The following SERGEF variants were observed in gnomAD, a reference collection of about 807,000 sequenced individuals.
The protein encoded by SERGEF is secretion regulating guanine nucleotide exchange factor.
Under a neutral mutation model 50.0 loss-of-function variants are expected in SERGEF, and 51 were observed. That is an observed-to-expected ratio of 1.02 (90% CI 0.81 to 1.29). The LOEUF (loss-of-function observed/expected upper bound fraction) is 1.29. Ranked by LOEUF, SERGEF falls within the 50% of genes most tolerant of loss-of-function variation. The probability of loss-of-function intolerance (pLI) is 0.00; values close to 1 mark genes in which losing one functional copy is unlikely to be tolerated. For missense variants in SERGEF, 521 were observed against 557.0 expected (o/e 0.94, Z 0.65); for synonymous variants, 205 against 212.4 (o/e 0.97, Z 0.30).
intron 1 of SERGEF, 71 bp downstream of exon 1, chr11:18,012,880 G>T (rs1287219628): frequency 6.6e-7 from 1 of 1,504,818 alleles, no homozygotes; most frequent in East Asian, 2.6e-5. Context: ...AACTGCCCAC[G>T]CCGCGGCCAG....
intron 10 of SERGEF, among the ~76,000 whole-genome samples, chr11:17,858,446 C>T (rs187884695): frequency 3.9e-5 from 6 of 152,266 alleles, no homozygotes; most frequent in Admixed American, 2.6e-4. Flanking sequence ...TAAGCATATA[C>T]ACCCCAAGAC....
chr11:17,888,856 C>T lies in SERGEF; in HGVS notation c.1012-10612G>A, dbSNP rs1851482537. Among the ~76,000 whole-genome samples, 1 of 152,082 alleles carries T rather than the reference C, an allele frequency of 6.6e-6. No individual in the cohort carries two copies. The highest frequency in any genetic ancestry group is 6.6e-5 in the Admixed American group (1 of 15,264). ...AGGAAAGAACAGTTTGAGCCTGGAA[C>T]ATGTATTTGTACCACGAAGTAAGAA... On this transcript the variant is annotated intron_variant, in intron 9 of 10. Transcript: ENST00000265965. This position sits in a 1 kb window ranked among gnomAD's most constrained non-coding sequence, Gnocchi z 4.1.
intron 9 of SERGEF, among the ~76,000 whole-genome samples, chr11:17,933,021 G>A (rs1852384131): frequency 6.6e-6 from 1 of 152,012 alleles, no homozygotes; most frequent in African/African-American, 2.4e-5. Context: ...TGTTTTCCTG[G>A]AATGAAACTC....
intron 7 of SERGEF, among the ~76,000 whole-genome samples, chr11:17,989,063 C>T (rs2133996716): frequency 6.6e-6 from 1 of 152,262 alleles, no homozygotes; most frequent in South Asian, 2.1e-4. Context: ...GTGTATGAGA[C>T]ACATTTCTCT....
chr11:17,897,234 C>T (rs1851664414), intron 9 of SERGEF, among the ~76,000 whole-genome samples: 1 of 152,190 alleles, frequency 6.6e-6, no homozygotes, highest in Non-Finnish European at 1.5e-5. Context: ...ATACAGGGAC[C>T]TCAGTCCTAT....
chr11:17,972,699 T>A (rs1170576037), intron 8 of SERGEF, among the ~76,000 whole-genome samples: 1 of 152,202 alleles, frequency 6.6e-6, no homozygotes, highest in East Asian at 1.9e-4. Context: ...CTCCAAGGTA[T>A]GCCTGTACAA....
In SERGEF at chr11:17,995,862, G is replaced by A. The variant is rs142771913; in HGVS notation, c.556C>T (p.Arg186Ter). The A allele has an allele frequency of 1.6e-4, 257 of 1,613,930 alleles. No individual in the cohort carries two copies. Among genetic ancestry groups the A allele is most frequent in the African/African-American group, 2.3e-4 (17 of 75,002 alleles). The stretch of plus-strand genomic sequence containing the variant: ...AGAGTCTGCCCAGGGCACAACCGTC[G>A]TCCACATGATGCCAAACCAGTCCCC... Reference protein sequence around the residue: ...QWGTGLASCGRRLCPGQTLPL... With the variant: ...QWGTGLASCG The change falls in exon 6 of 11, where the codon CGA becomes TGA. Residue 186 changes from arginine (R) to a stop codon, truncating the protein, a stop_gained. Transcript: ENST00000265965. LOFTEE classifies it high-confidence loss of function.
At chr11:17,808,903 G>T (rs528295938) in intron 10 of SERGEF, among the ~76,000 whole-genome samples, 4 of 152,300 alleles carry the variant, frequency 2.6e-5, no homozygotes, top group African/African-American at 9.6e-5. Flanking sequence ...AGAACTTCTG[G>T]ATCTCTCCAA....
chr11:17,987,451 G>A (rs1853624473), intron 8 of SERGEF, among the ~76,000 whole-genome samples: 1 of 152,162 alleles, frequency 6.6e-6, no homozygotes, highest in South Asian at 2.1e-4. Context: ...TTAGGAAAAG[G>A]TTCTGTAGAT....
intron 7 of SERGEF, among the ~76,000 whole-genome samples, chr11:17,989,195 T>C (rs535909683): frequency 6.6e-6 from 1 of 152,366 alleles, no homozygotes; most frequent in African/African-American, 2.4e-5. Flanking sequence ...ATAAGATTAT[T>C]TCACTGCATG....
At chr11:17,869,419 T>G (rs1590167166) in intron 10 of SERGEF, among the ~76,000 whole-genome samples, 3 of 152,338 alleles carry the variant, frequency 2.0e-5, no homozygotes, top group South Asian at 4.1e-4. Flanking sequence ...GTCTTAGTCC[T>G]TCTGGGCTGC....
At chr11:17,998,517 T>C (rs946245221) in intron 5 of SERGEF, among the ~76,000 whole-genome samples, 1 of 39,018 alleles carries the variant, frequency 2.6e-5, no homozygotes, top group African/African-American at 7.4e-5. Flanking sequence ...GTTATATATA[T>C]ATATGTTTAT....
intron 9 of SERGEF, among the ~76,000 whole-genome samples, chr11:17,944,630 T>C (rs1449146043): frequency 6.6e-6 from 1 of 152,182 alleles, no homozygotes; most frequent in East Asian, 1.9e-4. Flanking sequence ...AGTTGATTTC[T>C]GTAGGAGGAC....
At chr11:17,858,567 A>G (rs1052137134) in intron 10 of SERGEF, among the ~76,000 whole-genome samples, 1 of 152,160 alleles carries the variant, frequency 6.6e-6, no homozygotes, top group Non-Finnish European at 1.5e-5. Flanking sequence ...CAGCCAGTGC[A>G]TCCTCCCCAT....
chr11:17,825,552 C>T (rs1850178219), intron 10 of SERGEF, among the ~76,000 whole-genome samples: 4 of 152,174 alleles, frequency 2.6e-5, no homozygotes, highest in African/African-American at 9.7e-5. Flanking sequence ...CTGGAAAGTA[C>T]CATTTTCTGA....
chr11:17,801,603 C>T (rs1849671114), intron 10 of SERGEF, among the ~76,000 whole-genome samples: 1 of 152,044 alleles, frequency 6.6e-6, no homozygotes, highest in African/African-American at 2.4e-5. Context: ...GTTGAGGAGG[C>T]CTGGAGGAGA....
chr11:17,801,478 A>G (rs1378982775), intron 10 of SERGEF, among the ~76,000 whole-genome samples: 1 of 152,192 alleles, frequency 6.6e-6, no homozygotes, highest in African/African-American at 2.4e-5. Flanking sequence ...AAATGGATTT[A>G]TAAACTGTTT....
At chr11:17,832,365 C>A (rs1433451800) in intron 10 of SERGEF, among the ~76,000 whole-genome samples, 1 of 152,216 alleles carries the variant, frequency 6.6e-6, no homozygotes, top group Non-Finnish European at 1.5e-5. Context: ...CTCATCCTTG[C>A]CTTCCGCCAT....
At chr11:17,870,018 G>A (rs1011279144) in intron 10 of SERGEF, among the ~76,000 whole-genome samples, 1 of 152,134 alleles carries the variant, frequency 6.6e-6, no homozygotes, top group Non-Finnish European at 1.5e-5. Flanking sequence ...GAATCAGGGG[G>A]GCAGTTTCCC....
Sources: gnomAD v4.1 joint callset for allele counts (sites outside exome capture counted in the v4.1 genomes callset) on GRCh38, gnomAD v4.1.1 for gene constraint, Gnocchi (gnomAD v3.1) non-coding constraint, MANE v1.5 for transcripts, NCBI Gene and HGNC (gene_info 2026-07-23, HGNC 2026-07-21) for gene names.